Variants in DOCK2 observed in about 807,000 individuals in gnomAD.
DOCK2 encodes dedicator of cytokinesis protein 2.
A neutral mutation model predicts 248.9 loss-of-function variants in DOCK2; 87 were observed. The ratio of observed to expected loss-of-function variants is 0.35; its 90% CI spans 0.29 to 0.42. DOCK2 has a LOEUF of 0.42. Among genes scored for constraint, DOCK2 ranks in the 10% least tolerant of loss-of-function variants. The pLI, the probability that DOCK2 is intolerant of heterozygous loss-of-function variation, is 1.00. For synonymous variants in DOCK2, 805 were observed against 821.6 expected (o/e 0.98, Z 0.35); for missense variants, 1,747 against 2,300.2 (o/e 0.76, Z 4.92).
At chr5:169,875,294 A>C (rs1273352534) in intron 27 of DOCK2, 4 of 456,572 alleles carry the variant, frequency 8.8e-6, no homozygotes, top group African/African-American at 4.0e-5. Context: ...TTTGGGGCTG[A>C]AACCCAGCAA....
intron 26 of DOCK2, among the ~76,000 whole-genome samples, chr5:169,825,541 G>A (rs1301840408): frequency 6.8e-6 from 1 of 146,206 alleles, no homozygotes; most frequent in Non-Finnish European, 1.5e-5. Context: ...AACACCGCAT[G>A]TTCTCATTCA....
intron 37 of DOCK2, among the ~76,000 whole-genome samples, chr5:170,041,798 G>C (rs924596073): frequency 6.6e-6 from 1 of 152,204 alleles, no homozygotes; most frequent in African/African-American, 2.4e-5. Flanking sequence ...TGCCTGGAGG[G>C]CAACCTCCAA....
At chr5:169,788,076 T>C (rs1766099379) in intron 25 of DOCK2, among the ~76,000 whole-genome samples, 1 of 152,172 alleles carries the variant, frequency 6.6e-6, no homozygotes. Flanking sequence ...GTCTTATAGA[T>C]ACTCAAACTC....
At chr5:169,721,357 G>T (rs779213715) in intron 22 of DOCK2, among the ~76,000 whole-genome samples, 1 of 152,140 alleles carries the variant, frequency 6.6e-6, no homozygotes, top group Non-Finnish European at 1.5e-5. Flanking sequence ...CTGCAAAGAC[G>T]GTCTAGGACC....
chr5:169,755,164 T>A (rs1250056076), intron 23 of DOCK2, among the ~76,000 whole-genome samples: 1 of 151,888 alleles, frequency 6.6e-6, no homozygotes, highest in Non-Finnish European at 1.5e-5. Context: ...TAGGCTGGTC[T>A]TGAAACCCTG....
intron 27 of DOCK2, among the ~76,000 whole-genome samples, chr5:169,890,575 A>G (rs1773224300): frequency 6.6e-6 from 1 of 152,190 alleles, no homozygotes; most frequent in Admixed American, 6.5e-5. Flanking sequence ...GGAAAAGGGT[A>G]TATTTTGGGG....
At chr5:169,689,109 G>A in intron 8 of DOCK2, 143 bp from the exon 9 acceptor site, 1 of 671,456 alleles carries the variant, frequency 1.5e-6, no homozygotes, top group Non-Finnish European at 2.6e-6. Context: ...CTCTCGGAGG[G>A]AAGGACCATG....
chr5:169,797,569 A>G (rs1456537474), intron 25 of DOCK2, among the ~76,000 whole-genome samples: 1 of 152,206 alleles, frequency 6.6e-6, no homozygotes, highest in Non-Finnish European at 1.5e-5. Flanking sequence ...TCACTTGGAC[A>G]AAGAAAACCC....
chr5:169,792,223 G>A (rs1766381408), intron 25 of DOCK2, among the ~76,000 whole-genome samples: 3 of 152,136 alleles, frequency 2.0e-5, no homozygotes, highest in Admixed American at 6.5e-5. Context: ...AGATGTCATC[G>A]AATTGGAAAT....
chr5:169,699,520 G>A, intron 12 of DOCK2, 62 bp downstream of exon 12: 1 of 1,505,492 alleles, frequency 6.6e-7, no homozygotes, highest in Non-Finnish European at 9.1e-7. Flanking sequence ...TAACTCTTCA[G>A]CAAATGAATC....
chr5:169,991,483 C>T (rs1476137962), intron 29 of DOCK2, among the ~76,000 whole-genome samples: 5 of 152,238 alleles, frequency 3.3e-5, no homozygotes, highest in Admixed American at 2.0e-4. Context: ...GCTCAGACTG[C>T]GTTCTCCCTC....
At chr5:169,734,699 C>T (rs1753651919) in intron 22 of DOCK2, among the ~76,000 whole-genome samples, 4 of 152,204 alleles carry the variant, frequency 2.6e-5, no homozygotes, top group Admixed American at 2.6e-4. Context: ...CTACATACAG[C>T]ATCGAAGACC....
intron 14 of DOCK2, 131 bp downstream of exon 14, chr5:169,702,558 G>A: frequency 7.4e-6 from 10 of 1,349,652 alleles, no homozygotes; most frequent in Non-Finnish European, 9.0e-6. Flanking sequence ...TGAATAATGT[G>A]TTCAACACCT....
intron 26 of DOCK2, among the ~76,000 whole-genome samples, chr5:169,817,247 C>A (rs1481869974): frequency 6.6e-6 from 1 of 152,214 alleles, no homozygotes; most frequent in East Asian, 1.9e-4. Flanking sequence ...TAATTATATG[C>A]AGCTTGACAT....
intron 1 of DOCK2, among the ~76,000 whole-genome samples, chr5:169,646,948 G>C (rs1284653483): frequency 6.6e-6 from 1 of 152,218 alleles, no homozygotes; most frequent in Admixed American, 6.5e-5. Flanking sequence ...ATGGTCCTTA[G>C]CTGGGTGTTT....
chr5:169,835,735 T>C (rs115427655), intron 26 of DOCK2, among the ~76,000 whole-genome samples: 1 of 152,044 alleles, frequency 6.6e-6, no homozygotes, highest in African/African-American at 2.4e-5. Context: ...GAGACTGCTG[T>C]ATTTCGTTTG....
chr5:170,038,869 T>G (rs1756412308), intron 36 of DOCK2, among the ~76,000 whole-genome samples: 1 of 152,144 alleles, frequency 6.6e-6, no homozygotes, highest in Non-Finnish European at 1.5e-5. Flanking sequence ...TTTTTTGAAC[T>G]CAGCCATCTA....
chr5:169,862,171 A>G (rs1771244578), intron 27 of DOCK2, among the ~76,000 whole-genome samples: 1 of 152,238 alleles, frequency 6.6e-6, no homozygotes, highest in South Asian at 2.1e-4. Context: ...GAACGTGCTA[A>G]GAGTTTATAA....
chr5:170,065,953 G>GTTTT (rs34658795), intron 44 of DOCK2, among the ~76,000 whole-genome samples: 13,051 of 133,188 alleles, frequency 0.098, 863 homozygotes, highest in South Asian at 0.17. Context: ...AATGAAAACT[G>GTTTT]TTTTTTTTTT....
Sources: allele counts gnomAD v4.1 joint callset (sites outside exome capture counted in the v4.1 genomes callset), GRCh38; gene constraint gnomAD v4.1.1; transcripts MANE v1.5; gene names NCBI Gene and HGNC (gene_info 2026-07-23, HGNC 2026-07-21).